DPH6: variants seen among roughly 807,000 people sequenced by gnomAD.
DPH6 encodes diphthine--ammonia ligase.
A neutral mutation model predicts 38.2 loss-of-function variants in DPH6; 33 were observed. The ratio of observed to expected loss-of-function variants is 0.86; its 90% CI spans 0.65 to 1.15. The LOEUF is 1.15. DPH6 is among the 50% of genes most tolerant of loss of function. DPH6 has a pLI of 0.00. For missense variants in DPH6, 325 were observed against 320.0 expected (o/e 1.02, Z -0.12); for synonymous variants, 108 against 103.0 (o/e 1.05, Z -0.30).
At chr15:35,522,325 T>G in intron 3 of DPH6, 1 of 1,581,080 alleles carries the variant, frequency 6.3e-7, no homozygotes, top group African/African-American at 1.4e-5. Context: ...GGTTTAGGAT[T>G]GACCAGAAAA....
At chr15:35,169,018 G>T in the DPH6 span, among the ~76,000 whole-genome samples, 1 of 152,000 alleles carries the variant, frequency 6.6e-6, no homozygotes, top group South Asian at 2.1e-4. Flanking sequence ...GCTCTAGAAA[G>T]GTTTTTGCTT....
chr15:35,469,946 A>C (rs7177430), intron 3 of DPH6, among the ~76,000 whole-genome samples: 7,160 of 152,130 alleles, frequency 0.047, 586 homozygotes, highest in African/African-American at 0.16. Context: ...ACCTGTAATC[A>C]CAGCACTTTG....
chr15:35,248,867 C>T (rs142724547), intron 3 of DPH6, among the ~76,000 whole-genome samples: 2 of 152,118 alleles, frequency 1.3e-5, no homozygotes, highest in Admixed American at 6.5e-5. Flanking sequence ...TCTAGAGGAG[C>T]TATGGAAATC....
intron 3 of DPH6, among the ~76,000 whole-genome samples, chr15:35,363,137 A>G (rs765142552): frequency 2.6e-4 from 40 of 151,928 alleles, no homozygotes; most frequent in Admixed American, 2.6e-3. Flanking sequence ...TTGTGTTTCT[A>G]TGTTTGTAGG....
intron 3 of DPH6, among the ~76,000 whole-genome samples, chr15:35,514,373 T>C (rs971101015): frequency 2.6e-5 from 4 of 152,124 alleles, no homozygotes; most frequent in African/African-American, 4.8e-5. Context: ...ACAAGTCCCT[T>C]GATATTAGCC....
At chr15:35,365,580 C>G (rs2052650982) in intron 3 of DPH6, among the ~76,000 whole-genome samples, 1 of 152,018 alleles carries the variant, frequency 6.6e-6, no homozygotes, top group Non-Finnish European at 1.5e-5. Context: ...CTAAAAAAGA[C>G]AGTCAATTGG....
intron 7 of DPH6, among the ~76,000 whole-genome samples, chr15:35,374,287 GTAA>G (rs1289828998): frequency 3.2e-4 from 48 of 152,158 alleles, no homozygotes; most frequent in Non-Finnish European, 1.5e-5. Flanking sequence ...TATTAAGAGA[GTAA>G]TAATGTTTTG....
chr15:35,244,936 G>C (rs915008334), intron 3 of DPH6, among the ~76,000 whole-genome samples: 2 of 152,172 alleles, frequency 1.3e-5, no homozygotes, highest in African/African-American at 4.8e-5. Context: ...GCTCCTTCCA[G>C]CTACAATGTT....
At chr15:35,331,188 A>C (rs1470116643) in intron 3 of DPH6, 1 of 152,222 alleles carries the variant, frequency 6.6e-6, no homozygotes, top group Non-Finnish European at 1.5e-5. Flanking sequence ...TGGAAAAAAT[A>C]ACATCCTGTA....
At chr15:35,264,795 C>A (rs2051772929) in intron 3 of DPH6, among the ~76,000 whole-genome samples, 1 of 152,158 alleles carries the variant, frequency 6.6e-6, no homozygotes, top group Admixed American at 6.5e-5. Context: ...TGACATAGAA[C>A]TATAATTGAA....
chr15:35,164,482 A>T, the DPH6 span, among the ~76,000 whole-genome samples: 1 of 151,838 alleles, frequency 6.6e-6, no homozygotes, highest in African/African-American at 2.4e-5. Context: ...TAAAAAAAAA[A>T]CTGTAAGTAT....
At chr15:35,339,933 ATTG>A (rs1046414708) in intron 3 of DPH6, among the ~76,000 whole-genome samples, 1 of 152,060 alleles carries the variant, frequency 6.6e-6, no homozygotes, top group African/African-American at 2.4e-5. Context: ...CCTGGCTATC[ATTG>A]TTAATTTTCT....
At chr15:35,474,457 A>C (rs1374254247) in intron 3 of DPH6, among the ~76,000 whole-genome samples, 1 of 152,172 alleles carries the variant, frequency 6.6e-6, no homozygotes, top group African/African-American at 2.4e-5. Flanking sequence ...ACCAATAGCC[A>C]TAACAGCAAG....
chr15:35,184,733 T>C, the DPH6 span, among the ~76,000 whole-genome samples: 1 of 152,178 alleles, frequency 6.6e-6, no homozygotes, highest in Non-Finnish European at 1.5e-5. Context: ...CTTAGAAGCC[T>C]GGGTTAATTT....
At chr15:35,195,488 C>A in the DPH6 span, among the ~76,000 whole-genome samples, 2 of 152,082 alleles carry the variant, frequency 1.3e-5, no homozygotes, top group African/African-American at 4.8e-5. Context: ...ATATTTAAAG[C>A]AGGTCAGATT....
At position 35,381,432 on chromosome 15, in the gene DPH6, AAG is replaced by A. The variant is rs573620164; in HGVS notation, c.662+388_662+389del. On this transcript the variant is annotated intron_variant, in intron 7 of 8. Coordinates refer to ENST00000256538, the MANE Select transcript of DPH6 (RefSeq NM_080650.4). ...GTTGTTAAAGCCAAGAAAAAGAAAA[AAG>A]AGGAAGGAGTTAATGGAACCCACAG... 3.2e-3 allele frequency among the ~76,000 whole-genome samples: 483 copies of A among 152,322 alleles called. 2 individuals are homozygous for A. The highest frequency in any genetic ancestry group is 0.011 in the African/African-American group (465 of 41,568).
intron 3 of DPH6, among the ~76,000 whole-genome samples, chr15:35,347,267 C>T (rs920767514): frequency 1.3e-5 from 2 of 152,106 alleles, no homozygotes; most frequent in African/African-American, 2.4e-5. Flanking sequence ...TGGCTTTTCA[C>T]TTAGCATAAT....
intron 3 of DPH6, among the ~76,000 whole-genome samples, chr15:35,516,543 G>C (rs1240219628): frequency 6.6e-6 from 1 of 152,116 alleles, no homozygotes; most frequent in South Asian, 2.1e-4. Context: ...ACAAAGCGGA[G>C]TCAAACCCTA....
chr15:35,167,039 G>A, the DPH6 span, among the ~76,000 whole-genome samples: 58 of 152,024 alleles, frequency 3.8e-4, 1 homozygote, highest in South Asian at 8.5e-3. Flanking sequence ...AATTCTCTTC[G>A]ACAACCTCTG....
Sources: gnomAD v4.1 joint callset for allele counts (sites outside exome capture counted in the v4.1 genomes callset) on GRCh38, gnomAD v4.1.1 for gene constraint, MANE v1.5 for transcripts, NCBI Gene and HGNC (gene_info 2026-07-23, HGNC 2026-07-21) for gene names.